EVC2: variants seen among roughly 807,000 people sequenced by gnomAD.
The protein encoded by EVC2 is EvC ciliary complex subunit 2.
A neutral mutation model predicts 149.3 loss-of-function variants in EVC2; 148 were observed. The ratio of observed to expected loss-of-function variants is 0.99; its 90% CI spans 0.87 to 1.14. The LOEUF (loss-of-function observed/expected upper bound fraction) is 1.14. Ranked by LOEUF, EVC2 falls within the 50% of genes most tolerant of loss-of-function variation. The probability of loss-of-function intolerance (pLI) is 0.00; values close to 1 mark genes in which losing one functional copy is unlikely to be tolerated. For missense variants in EVC2, 1,854 were observed against 1,627.3 expected (o/e 1.14, Z -2.40); for synonymous variants, 776 against 649.9 (o/e 1.19, Z -2.95).
chr4:5,616,521 G>C (rs1382555405), intron 15 of EVC2, among the ~76,000 whole-genome samples: 3 of 152,204 alleles, frequency 2.0e-5, no homozygotes, highest in Non-Finnish European at 2.9e-5. Context: ...CGGTGGGTGA[G>C]AACGGCCAAG....
chr4:5,578,304 T>C (rs908472964), intron 17 of EVC2, among the ~76,000 whole-genome samples: 2 of 152,154 alleles, frequency 1.3e-5, no homozygotes, highest in African/African-American at 4.8e-5. Flanking sequence ...ACAATGATGA[T>C]GATGATGGGG....
At chr4:5,695,466 G>T (rs546935706) in intron 2 of EVC2, among the ~76,000 whole-genome samples, 4 of 152,366 alleles carry the variant, frequency 2.6e-5, no homozygotes, top group African/African-American at 7.2e-5. Context: ...TCACTTAAAA[G>T]GTCCGGGCTG....
At chr4:5,589,296 T>C (rs972396331) in intron 16 of EVC2, among the ~76,000 whole-genome samples, 7 of 152,218 alleles carry the variant, frequency 4.6e-5, no homozygotes, top group African/African-American at 1.7e-4. Context: ...AATTGAGGCT[T>C]TCTAGTTTGG....
intron 1 of EVC2, among the ~76,000 whole-genome samples, chr4:5,702,920 G>T (rs946603922): frequency 2.0e-5 from 3 of 152,128 alleles, no homozygotes; most frequent in African/African-American, 7.2e-5. Flanking sequence ...GATTAAACCA[G>T]AAAATAAATG....
rs1719199504 is a variant in EVC2 at position 5,665,399 on chromosome 4, G to T, written c.1005+116C>A. 1.3e-5 allele frequency: 19 copies of T among 1,514,356 alleles called. No homozygotes were observed. The South Asian group carries it at 1.5e-4, about 12-fold the overall frequency. 93.8% of individuals were successfully genotyped at this position (1,514,356 alleles called of 1,614,324 possible). A position where few individuals can be genotyped will look rare whatever the true frequency, so the allele number is the denominator to read the frequency against. On this transcript the variant is annotated intron_variant, in intron 8 of 21. Coordinates refer to ENST00000344408, the MANE Select transcript of EVC2 (RefSeq NM_147127.5). ...AGGTGGGCCCTGGGCATGGGTTTTT[G>T]TGCACAGCTCCCTCAGCAATGCTGA...
At chr4:5,667,106 C>T (rs1719332816) in intron 7 of EVC2, among the ~76,000 whole-genome samples, 1 of 152,054 alleles carries the variant, frequency 6.6e-6, no homozygotes, top group Admixed American at 6.6e-5. Flanking sequence ...TATTTGAATA[C>T]ATTTCTAATA....
At chr4:5,605,104 T>A (rs1404326386) in intron 16 of EVC2, among the ~76,000 whole-genome samples, 1 of 152,216 alleles carries the variant, frequency 6.6e-6, no homozygotes, top group Non-Finnish European at 1.5e-5. Context: ...TTCTTACACA[T>A]ATTTAATAAC....
At chr4:5,550,797 C>T (rs1342708523) in intron 21 of EVC2, among the ~76,000 whole-genome samples, 3 of 152,206 alleles carry the variant, frequency 2.0e-5, no homozygotes, top group Non-Finnish European at 4.4e-5. Context: ...GTGGGCCTGG[C>T]CCACGGTCCC....
chr4:5,615,164 C>T (rs938700404), intron 16 of EVC2, among the ~76,000 whole-genome samples: 8 of 152,102 alleles, frequency 5.3e-5, no homozygotes, highest in Non-Finnish European at 1.2e-4. Context: ...AGGCAGCACC[C>T]GAGGTGAAGC....
At chr4:5,653,805 G>A (rs1002045568) in intron 9 of EVC2, among the ~76,000 whole-genome samples, 6 of 152,168 alleles carry the variant, frequency 3.9e-5, no homozygotes, top group Non-Finnish European at 8.8e-5. Context: ...AATCTATTAC[G>A]TAAACAAAAA....
rs886122135 is a variant in EVC2, at chr4:5,688,477, C to T, written c.706+680G>A. The stretch of plus-strand genomic sequence containing the variant: ...CTCTTCATCTGTAAATGAGGTCCTA[C>T]TAAGAATAAAAGATGTCTTTGCCCT... On this transcript the variant is annotated intron_variant, in intron 5 of 21. Transcript: ENST00000344408. Among the ~76,000 whole-genome samples the T allele has an allele frequency of 6.6e-5, 10 of 152,178 alleles. No homozygotes were observed. The East Asian group carries it at 7.7e-4, about 12-fold the overall frequency.
At chr4:5,683,571 A>C (rs1720490210) in intron 6 of EVC2, among the ~76,000 whole-genome samples, 1 of 152,130 alleles carries the variant, frequency 6.6e-6, no homozygotes. Flanking sequence ...CCCTGGTTTC[A>C]CGGAGCTGAC....
intron 21 of EVC2, among the ~76,000 whole-genome samples, chr4:5,551,772 G>A (rs961762414): frequency 1.3e-5 from 2 of 152,184 alleles, no homozygotes; most frequent in Non-Finnish European, 2.9e-5. Context: ...CACGGTGGGA[G>A]GTAATTGAAT....
At chr4:5,594,843 A>G (rs1713225722) in intron 16 of EVC2, among the ~76,000 whole-genome samples, 1 of 152,190 alleles carries the variant, frequency 6.6e-6, no homozygotes, top group Non-Finnish European at 1.5e-5. Flanking sequence ...GCGAATGTAT[A>G]ACTAGAATAA....
intron 9 of EVC2, among the ~76,000 whole-genome samples, chr4:5,645,402 C>G (rs180925647): frequency 1.3e-5 from 2 of 152,270 alleles, no homozygotes; most frequent in African/African-American, 4.8e-5. Context: ...CTGATCCTCT[C>G]CTTCCTCCCA....
Position 5,618,543 on chromosome 4 carries a change from G to A in EVC2, c.2641C>T (p.Gln881Ter). The part of the protein sequence containing the change: ...IRARVLLQQF[Q>*]TAWREAEFVK... ...AACTCTGCTTCTCGCCACGCAGTCT[G>A]AAATTGCTGCAGCAGAACTCGGGCC... The change falls in exon 15 of 22, where the codon CAG (glutamine) becomes TAG (stop). Residue 881 changes from glutamine to a stop codon, truncating the protein, a stop_gained. Coordinates refer to ENST00000344408, the MANE Select transcript of EVC2 (RefSeq NM_147127.5). LOFTEE classifies it high-confidence loss of function. The surrounding 1 kb of genome is among the most constrained non-coding windows in gnomAD (Gnocchi z 4.4). The A allele has an allele frequency of 6.2e-7, 1 of 1,614,170 alleles. No individual in the cohort carries two copies. Among genetic ancestry groups the A allele is most frequent in the South Asian group, 1.1e-5 (1 of 91,078 alleles).
At chr4:5,669,684 C>T (rs1425620467) in intron 7 of EVC2, among the ~76,000 whole-genome samples, 1 of 152,202 alleles carries the variant, frequency 6.6e-6, no homozygotes, top group Non-Finnish European at 1.5e-5. Flanking sequence ...AGTCAGGCTA[C>T]CTCAAATCTC....
chr4:5,690,377 T>A (rs1721031241), intron 4 of EVC2, among the ~76,000 whole-genome samples: 1 of 151,600 alleles, frequency 6.6e-6, no homozygotes, highest in Non-Finnish European at 1.5e-5. Context: ...CTGCAGAATA[T>A]CCTTGCCTGA....
chr4:5,626,247 T>C (rs1716102695), intron 12 of EVC2, among the ~76,000 whole-genome samples: 1 of 151,654 alleles, frequency 6.6e-6, no homozygotes, highest in Admixed American at 6.6e-5. Flanking sequence ...ACAAACAAAG[T>C]CAAAGAGGCA....
Sources: allele counts gnomAD v4.1 joint callset (sites outside exome capture counted in the v4.1 genomes callset), GRCh38; gene constraint gnomAD v4.1.1; non-coding constraint Gnocchi (gnomAD v3.1); transcripts MANE v1.5; gene names NCBI Gene and HGNC (gene_info 2026-07-23, HGNC 2026-07-21).